The following CLTRN variants were observed in gnomAD, a reference collection of about 807,000 sequenced individuals.
The protein encoded by CLTRN is collectrin.
CLTRN carries 12 observed loss-of-function variants against 14.5 expected under a neutral mutation model. The ratio of observed to expected loss-of-function variants is 0.83; its 90% CI spans 0.53 to 1.34. The LOEUF (loss-of-function observed/expected upper bound fraction) is 1.34. CLTRN is among the 40% of genes most tolerant of loss of function. CLTRN has a pLI of 0.00. For synonymous variants in CLTRN, 58 were observed against 56.5 expected, an observed-to-expected ratio of 1.03 and a Z score of -0.12; for missense variants, 154 against 165.1, an observed-to-expected ratio of 0.93 and a Z score of 0.37.
upstream of CLTRN, chrX:15,665,141 A>G (rs1021766265): frequency 1.9e-4 from 26 of 137,734 alleles, no homozygotes; most frequent in Non-Finnish European, 3.0e-4. Flanking sequence ...TTTCCTTGAC[A>G]TGCACTTCCC....
chrX:15,640,546 G>A (rs986682146), intron 4 of CLTRN, among the ~76,000 whole-genome samples: 6 of 112,778 alleles, frequency 5.3e-5, no homozygotes, highest in Non-Finnish European at 7.5e-5. Context: ...CACCTGTCCT[G>A]TGTGAGTAGC....
intron 5 of CLTRN, among the ~76,000 whole-genome samples, chrX:15,631,479 G>T (rs150759186): frequency 0.026 from 2,912 of 111,827 alleles, 75 homozygotes; most frequent in African/African-American, 0.089. Context: ...AAATAACAAA[G>T]AGCTAGACGT....
chrX:15,633,207 A>G (rs1172963417), intron 5 of CLTRN, among the ~76,000 whole-genome samples: 1 of 112,289 alleles, frequency 8.9e-6, no homozygotes, highest in Non-Finnish European at 1.9e-5. Flanking sequence ...TGATAATGCT[A>G]ATGATAATAT....
At chrX:15,650,962 C>T (rs1929199948) in intron 3 of CLTRN, among the ~76,000 whole-genome samples, 1 of 111,547 alleles carries the variant, frequency 9.0e-6, no homozygotes. Flanking sequence ...CTTTCAGAAA[C>T]TAACTGATGT....
chrX:15,628,921 T>A (rs1377985158), intron 5 of CLTRN, among the ~76,000 whole-genome samples: 1 of 111,641 alleles, frequency 9.0e-6, no homozygotes, highest in Non-Finnish European at 1.9e-5. Flanking sequence ...TTCTTTGGAG[T>A]GTGGAAAACA....
intron 4 of CLTRN, among the ~76,000 whole-genome samples, 154 bp from the exon 5 acceptor site, chrX:15,639,910 G>A (rs767437491): frequency 8.9e-6 from 1 of 112,378 alleles, no homozygotes; most frequent in East Asian, 2.8e-4. Flanking sequence ...AGTTTGCTGA[G>A]GGCAATCATG....
chrX:15,653,211 T>C lies in CLTRN; in HGVS notation c.203+5805A>G, dbSNP rs1340054693. On this transcript the variant is annotated intron_variant, in intron 3 of 5. Transcript: ENST00000380342. The stretch of plus-strand genomic sequence containing the variant: ...TTTCCTCCCCTGTTGCAAATTCTTG[T>C]GGTTTGGGTTGGGTGTTGAAGAGTG... Among the ~76,000 whole-genome samples, 5 of 111,613 alleles carry C rather than the reference T, an allele frequency of 4.5e-5. No individual in the cohort carries two copies. In the East Asian group the frequency reaches 1.4e-3, roughly 31 times the overall value.
At chrX:15,630,450 T>C (rs960238235) in intron 5 of CLTRN, among the ~76,000 whole-genome samples, 1 of 111,551 alleles carries the variant, frequency 9.0e-6, no homozygotes. Context: ...TTGTATCTCT[T>C]GTATTTTAGG....
At chrX:15,633,079 A>G (rs957429830) in intron 5 of CLTRN, among the ~76,000 whole-genome samples, 2 of 110,479 alleles carry the variant, frequency 1.8e-5, no homozygotes, top group African/African-American at 6.6e-5. Context: ...TGGGCACTGT[A>G]GCACAGTGAG....
At chrX:15,658,749 A>C (rs1188010153) in intron 3 of CLTRN, among the ~76,000 whole-genome samples, 1 of 107,517 alleles carries the variant, frequency 9.3e-6, no homozygotes, top group Non-Finnish European at 1.9e-5. Flanking sequence ...CACACACACA[A>C]TAGAAATGTA....
intron 3 of CLTRN, chrX:15,646,762 C>T (rs1302672548): frequency 8.9e-6 from 3 of 337,080 alleles, no homozygotes; most frequent in Non-Finnish European, 1.8e-5. Flanking sequence ...GCTCGCCTGG[C>T]CTACATGAAG....
At chrX:15,634,587 A>G (rs1041858319) in intron 5 of CLTRN, among the ~76,000 whole-genome samples, 5 of 110,274 alleles carry the variant, frequency 4.5e-5, no homozygotes, top group Non-Finnish European at 9.5e-5. Flanking sequence ...ATTATTGTGA[A>G]GTATATGCAG....
intron 3 of CLTRN, among the ~76,000 whole-genome samples, chrX:15,653,818 A>C (rs1229174324): frequency 8.9e-6 from 1 of 112,357 alleles, no homozygotes; most frequent in Non-Finnish European, 1.9e-5. Context: ...CCAAACCCAA[A>C]AACAATGCAA....
rs773708046 is a variant in CLTRN at position 15,646,563 on chromosome X, G to A, written c.204-1534C>T. 3.9e-5 allele frequency: 13 copies of A among 332,211 alleles called. No homozygotes were observed. The East Asian group carries it at 6.1e-4, about 15-fold the overall frequency. The allele number at this position is 332,211 out of a possible 1,213,427, so 27.4% of individuals were successfully genotyped here. On this transcript the variant is annotated intron_variant, in intron 3 of 5. Coordinates refer to ENST00000380342, the MANE Select transcript of CLTRN (RefSeq NM_020665.6). Reference sequence around the variant, plus strand: ...GAACTGCAAGGTCACCTACTTCCACGGGAAGCGCTGGGTCTGCATCCAGCC... The same window carrying A: ...GAACTGCAAGGTCACCTACTTCCACAGGAAGCGCTGGGTCTGCATCCAGCC...
chrX:15,630,242 A>C (rs866176611), intron 5 of CLTRN, among the ~76,000 whole-genome samples: 2 of 111,453 alleles, frequency 1.8e-5, no homozygotes, highest in South Asian at 7.5e-4. Context: ...GGATGGATAG[A>C]TGGACAGAAG....
chrX:15,658,024 T>C (rs1370064410), intron 3 of CLTRN, among the ~76,000 whole-genome samples: 6 of 111,749 alleles, frequency 5.4e-5, no homozygotes, highest in Non-Finnish European at 9.4e-5. Context: ...CCTTGAATTA[T>C]TATAGAATTA....
At chrX:15,672,201 G>C (rs1306291523) in intron 1 of CLTRN, among the ~76,000 whole-genome samples, 1 of 110,159 alleles carries the variant, frequency 9.1e-6, no homozygotes, top group African/African-American at 3.3e-5. Context: ...TCTTAAATGG[G>C]AAAAAAAAAG....
intron 2 of CLTRN, among the ~76,000 whole-genome samples, chrX:15,663,097 T>C (rs1290346566): frequency 8.9e-6 from 1 of 112,101 alleles, no homozygotes; most frequent in Non-Finnish European, 1.9e-5. Flanking sequence ...TGCCAGGTAT[T>C]GTGGGCCTTG....
intron 4 of CLTRN, among the ~76,000 whole-genome samples, chrX:15,640,114 G>T (rs1003012967): frequency 2.7e-5 from 3 of 110,685 alleles, no homozygotes; most frequent in Non-Finnish European, 5.7e-5. Flanking sequence ...ACCAAACTGA[G>T]GACTAACTAA....
Sources: gnomAD v4.1 joint callset for allele counts (sites outside exome capture counted in the v4.1 genomes callset) on GRCh38, gnomAD v4.1.1 for gene constraint, MANE v1.5 for transcripts, NCBI Gene and HGNC (gene_info 2026-07-23, HGNC 2026-07-21) for gene names.